Variants in KDM4A observed in about 807,000 individuals in gnomAD.
The protein encoded by KDM4A is lysine demethylase 4A.
KDM4A carries 23 observed loss-of-function variants against 127.1 expected under a neutral mutation model. The observed-to-expected ratio is 0.18, with a 90% CI of 0.13 to 0.26. The LOEUF is 0.26. Among genes scored for constraint, KDM4A ranks in the 10% least tolerant of loss-of-function variants. The pLI is 1.00. For missense variants in KDM4A, 890 were observed against 1,329.1 expected, an observed-to-expected ratio of 0.67 and a Z score of 5.14; for synonymous variants, 443 against 466.5, an observed-to-expected ratio of 0.95 and a Z score of 0.65.
chr1:43,666,310 C>T (rs1660500640), intron 6 of KDM4A, 142 bp from the exon 7 acceptor site: 15 of 647,244 alleles, frequency 2.3e-5, no homozygotes, highest in South Asian at 1.4e-4. Flanking sequence ...AGAATTGGTG[C>T]GGAGCTATAA....
chr1:43,701,268 C>CT (rs1225141415), intron 19 of KDM4A, among the ~76,000 whole-genome samples: 1 of 152,114 alleles, frequency 6.6e-6, no homozygotes, highest in Non-Finnish European at 1.5e-5. Context: ...AATCAAAAAA[C>CT]TTGGAATTTT....
At chr1:43,686,736 C>G (rs951893093) in intron 12 of KDM4A, among the ~76,000 whole-genome samples, 2 of 152,152 alleles carry the variant, frequency 1.3e-5, no homozygotes, top group African/African-American at 4.8e-5. Flanking sequence ...ATAAATCAAA[C>G]TAAGGTCACA....
chr1:43,660,494 C>T, intron 4 of KDM4A, 82 bp downstream of exon 4: 2 of 1,513,324 alleles, frequency 1.3e-6, no homozygotes, highest in Non-Finnish European at 1.8e-6. Context: ...TAGTAGGCAC[C>T]TAAAAGCTGT....
At position 43,694,678 on chromosome 1, in the gene KDM4A, C is replaced by T. The variant is rs577579323; in HGVS notation, c.2485-31C>T. On this transcript the variant is annotated intron_variant, in intron 17 of 21. Coordinates refer to ENST00000372396, the MANE Select transcript of KDM4A (RefSeq NM_014663.3). The surrounding 1 kb of genome is among the most constrained non-coding windows in gnomAD (Gnocchi z 5.2). ...GAGGAAGCTGCAGTGCCAGTTCCTG[C>T]AATCACTGGTTTTCTTCCCCTGTGC... is the stretch of plus-strand genomic sequence containing the variant. The T allele has an allele frequency of 2.8e-5, 45 of 1,579,726 alleles. 1 individual carries two copies. The South Asian group carries it at 4.5e-4, about 16-fold the overall frequency.
Position 43,688,931 on chromosome 1 carries a change from A to T in KDM4A, c.1873A>T (p.Thr625Ser). The T allele has an allele frequency of 5.6e-6, 9 of 1,614,000 alleles. No individual in the cohort carries two copies. Among genetic ancestry groups the T allele is most frequent in the Non-Finnish European group, 7.6e-6 (9 of 1,179,988 alleles). The change falls in exon 13 of 22, where the codon ACC becomes TCC. Residue 625 changes from threonine (T) to serine (S), a missense_variant. This residue lies in a region of KDM4A where 389 missense variants were observed against 485.9 expected (regional missense o/e 0.80). Coordinates refer to ENST00000372396, the MANE Select transcript of KDM4A (RefSeq NM_014663.3). The surrounding 1 kb of genome is among the most constrained non-coding windows in gnomAD (Gnocchi z 4.4). ...TCCTCTAGAGACATCTGAACAGCTG[A>T]CCCCTGAGGAAGAGGCTGAGGAGAC... ...VSDDETSEQL[T>S]PEEEAEETEA...
chr1:43,664,468 G>GTGCTGT (rs1363342478), intron 5 of KDM4A, among the ~76,000 whole-genome samples: 3 of 152,178 alleles, frequency 2.0e-5, no homozygotes, highest in South Asian at 2.1e-4. Flanking sequence ...TGTAGTTTGG[G>GTGCTGT]TGCTGTGTAA....
chr1:43,693,931 A>G lies in KDM4A; in HGVS notation c.2376-63A>G. 7.0e-7 allele frequency: 1 copy of G among 1,425,912 alleles called. No individual in the cohort carries two copies. Among genetic ancestry groups the G allele is most frequent in the Non-Finnish European group, 9.9e-7 (1 of 1,013,922 alleles). The allele number at this position is 1,425,912 out of a possible 1,614,324, so 88.3% of individuals were successfully genotyped here. On this transcript the variant is annotated intron_variant, in intron 16 of 21. Coordinates refer to ENST00000372396, the MANE Select transcript of KDM4A (RefSeq NM_014663.3). The surrounding 1 kb of genome is among the most constrained non-coding windows in gnomAD (Gnocchi z 4.2). ...GGGAGGAAGCGCTGTCAGCAGGCCC[A>G]AAAGAGAAGGCCACAGAGCCTTGGG... is the stretch of plus-strand genomic sequence containing the variant.
chr1:43,696,634 C>G (rs1661246525), intron 18 of KDM4A, among the ~76,000 whole-genome samples: 1 of 152,216 alleles, frequency 6.6e-6, no homozygotes, highest in Non-Finnish European at 1.5e-5. Flanking sequence ...ATGCCCTTCT[C>G]ATTCTGAACT....
chr1:43,704,204 C>T, intron 21 of KDM4A, 26 bp from the exon 22 acceptor site: 1 of 1,613,834 alleles, frequency 6.2e-7, no homozygotes, highest in Non-Finnish European at 8.5e-7. Flanking sequence ...GGGTAGCTGA[C>T]ACTTGGCTTG....
Position 43,668,009 on chromosome 1 carries a change from C to G in KDM4A, c.1153C>G (p.Leu385Val). The G allele has an allele frequency of 6.2e-7, 1 of 1,613,962 alleles. No homozygotes were observed. The change falls in exon 9 of 22, where the codon CTG becomes GTG. Residue 385 changes from leucine to valine, a missense_variant. Coordinates refer to ENST00000372396, the MANE Select transcript of KDM4A (RefSeq NM_014663.3). ...EGVEDGEEGD[L>V]KTSLAKHRIG... ...GGTGGAGGATGGAGAGGAAGGAGAC[C>G]TGAAGACAAGGTAACCCAGCAGCCC...
intron 3 of KDM4A, among the ~76,000 whole-genome samples, chr1:43,656,600 A>AG (rs940856747): frequency 6.6e-6 from 1 of 151,666 alleles, no homozygotes; most frequent in Non-Finnish European, 1.5e-5. Context: ...GGCCTCCCAA[A>AG]GTGCTGGGAT....
intron 12 of KDM4A, among the ~76,000 whole-genome samples, chr1:43,684,058 G>T (rs1334049835): frequency 1.3e-5 from 2 of 152,138 alleles, no homozygotes; most frequent in Non-Finnish European, 2.9e-5. Flanking sequence ...TCTTTTCCTG[G>T]GAGGTACAAG....
intron 2 of KDM4A, among the ~76,000 whole-genome samples, chr1:43,654,418 A>G (rs1570807810): frequency 6.6e-6 from 1 of 150,664 alleles, no homozygotes; most frequent in African/African-American, 2.4e-5. Flanking sequence ...GAATGGCATC[A>G]TGCCATATAC....
chr1:43,691,039 G>A lies in KDM4A; in HGVS notation c.2232G>A (p.Arg744=). ...ILVSCKKCSV[R]VHASCYGVPP... ...TTTCCTGCAAGAAGTGCAGCGTCCG[G>A]GTCCATGCCAGTGAGTGCTGCTCAC... Residue 744 remains arginine (R), a synonymous_variant, in exon 14 of 22, where the codon CGG becomes CGA. Transcript: ENST00000372396. The A allele has an allele frequency of 6.2e-7, 1 of 1,614,034 alleles. No individual in the cohort carries two copies. The highest frequency in any genetic ancestry group is 8.5e-7 in the Non-Finnish European group (1 of 1,180,022).
At chr1:43,653,057 T>A in intron 1 of KDM4A, 80 bp from the exon 2 acceptor site, 1 of 711,438 alleles carries the variant, frequency 1.4e-6, no homozygotes, top group Non-Finnish European at 2.1e-6. Flanking sequence ...TATATTATCT[T>A]TTACTGTTTT....
intron 3 of KDM4A, among the ~76,000 whole-genome samples, chr1:43,659,373 T>A (rs1660319863): frequency 6.6e-6 from 1 of 152,108 alleles, no homozygotes; most frequent in Admixed American, 6.6e-5. Context: ...TGCAGTGGCG[T>A]TAGTTAGCTC....
At chr1:43,669,501 C>T (rs1285199916) in intron 10 of KDM4A, among the ~76,000 whole-genome samples, 4 of 152,112 alleles carry the variant, frequency 2.6e-5, no homozygotes, top group Admixed American at 1.3e-4. Context: ...CTCCCTCTGC[C>T]TGGTCAGGGG....
rs1462376422 is a variant in KDM4A, at chr1:43,703,686, C to A, written c.2911C>A (p.Gln971Lys). The change falls in exon 20 of 22, where the codon CAA becomes AAA. Residue 971 changes from glutamine (Q) to lysine (K), a missense_variant. This residue lies in a region of KDM4A where 246 missense variants were observed against 418.4 expected (regional missense o/e 0.59). Transcript: ENST00000372396. ...GGTCCAAGTGAGATGGACAGACGGC[C>A]AAGTCTATGGAGCCAAGTTTGTGGC... ...EVVQVRWTDG[Q>K]VYGAKFVASH... 6.2e-7 allele frequency: 1 copy of A among 1,614,080 alleles called. No individual in the cohort carries two copies. The highest frequency in any genetic ancestry group is 2.2e-5 in the East Asian group (1 of 44,872).
Position 43,694,119 on chromosome 1 carries a change from T to C in KDM4A, c.2484+17T>C. 2 of 1,582,440 alleles carry C rather than the reference T, an allele frequency of 1.3e-6. No homozygotes were observed. Among genetic ancestry groups the C allele is most frequent in the Non-Finnish European group, 1.7e-6 (2 of 1,151,622 alleles). The stretch of plus-strand genomic sequence containing the variant: ...TTCAAACTGGTAAGGGCTTGTAGAC[T>C]CTACATAATTTCCCGACTTACAAGT... On this transcript the variant is annotated intron_variant, in intron 17 of 21. Transcript: ENST00000372396. The surrounding 1 kb of genome is among the most constrained non-coding windows in gnomAD (Gnocchi z 5.2).
Sources: gnomAD v4.1 joint callset for allele counts (sites outside exome capture counted in the v4.1 genomes callset) on GRCh38, gnomAD v4.1.1 for gene constraint, gnomAD v4.1.1 regional missense constraint, Gnocchi (gnomAD v3.1) non-coding constraint, MANE v1.5 for transcripts, NCBI Gene and HGNC (gene_info 2026-07-23, HGNC 2026-07-21) for gene names.